The following TAF6 variants were observed in gnomAD, a reference collection of about 807,000 sequenced individuals.
TAF6 encodes the protein TATA-box binding protein associated factor 6, also known as transcription initiation factor TFIID subunit 6.
In TAF6, 50 loss-of-function variants were observed where a neutral mutation model predicts 73.5. That is an observed-to-expected ratio of 0.68 (90% CI 0.54 to 0.86). The LOEUF is 0.86. TAF6 is among the 40% of genes least tolerant of loss of function. The pLI is 0.00. For missense variants in TAF6, 768 were observed against 899.5 expected, an observed-to-expected ratio of 0.85 and a Z score of 1.87; for synonymous variants, 424 against 376.7, an observed-to-expected ratio of 1.13 and a Z score of -1.45.
chr7:100,114,035 G>C lies in TAF6; in HGVS notation c.156+19C>G. 2 of 1,614,010 alleles carry C rather than the reference G, an allele frequency of 1.2e-6. No individual in the cohort carries two copies. Among genetic ancestry groups the C allele is most frequent in the Non-Finnish European group, 1.7e-6 (2 of 1,179,928 alleles). On this transcript the variant is annotated intron_variant, in intron 2 of 14. Transcript: ENST00000453269. The stretch of plus-strand genomic sequence containing the variant: ...GTGACATGGACCCAATGTAGAGCTG[G>C]ACAGAAGGGCCGGGTCACCTGTGCG...
At chr7:100,124,965 C>T in the TAF6 span, 7 of 1,490,304 alleles carry the variant, frequency 4.7e-6, no homozygotes, top group African/African-American at 8.4e-5. Context: ...TGCTCCACAG[C>T]TTTCAGGGTG....
upstream of TAF6, among the ~76,000 whole-genome samples, chr7:100,123,255 T>C (rs951979249): frequency 5.3e-5 from 8 of 151,826 alleles, no homozygotes; most frequent in Non-Finnish European, 1.2e-4. Flanking sequence ...GGCAAGAGAA[T>C]TGCTTGAATC....
chr7:100,117,780 C>T (rs1443586541), intron 1 of TAF6, among the ~76,000 whole-genome samples: 6 of 151,916 alleles, frequency 3.9e-5, no homozygotes, highest in Non-Finnish European at 5.9e-5. Flanking sequence ...TGGTGGCTCA[C>T]GCCTGTAATC....
rs747557918 is a variant in TAF6 at position 100,107,567 on chromosome 7, G to A, written c.1713C>T (p.Val571=). The A allele has an allele frequency of 1.2e-6, 2 of 1,613,986 alleles. No individual in the cohort carries two copies. Among genetic ancestry groups the A allele is most frequent in the East Asian group, 4.5e-5 (2 of 44,884 alleles). ...GCTGCACGCTGGGGACGGTGGTGGTGACGGGCGAAGTGGTGGTGGAACCTG... is the reference window on the plus strand; with the variant it reads ...GCTGCACGCTGGGGACGGTGGTGGTAACGGGCGAAGTGGTGGTGGAACCTG... ...PGSGSTTTSP[V]TTTVPSVQPI... is the part of the protein sequence containing the mutation. Residue 571 remains valine, a synonymous_variant, in exon 15 of 15, where the codon GTC becomes GTT. Coordinates refer to ENST00000453269, the MANE Select transcript of TAF6 (RefSeq NM_139315.3).
At chr7:100,120,180 A>T, upstream of TAF6, 1 of 229,146 alleles carries the variant, frequency 4.4e-6, no homozygotes, top group Non-Finnish European at 8.6e-6. Context: ...TGTTTACCTC[A>T]TGTCACCAGA....
At position 100,107,511 on chromosome 7, in the gene TAF6, G is replaced by C. The variant is rs138114559; in HGVS notation, c.1769C>G (p.Thr590Ser). Residue 590 changes from threonine (T) to serine (S), a missense_variant, in exon 15 of 15, where the codon ACC (threonine) becomes AGC (serine). By Grantham distance (58) the Thr-to-Ser change is moderately conservative (BLOSUM62 1). Coordinates refer to ENST00000453269, the MANE Select transcript of TAF6 (RefSeq NM_139315.3). ...PIVKLVSTATTAPPSTAPSGP... is the reference protein window; with the variant it reads ...PIVKLVSTATSAPPSTAPSGP... ...AGAGGGAGCAGTGCTGGGGGGTGCG[G>C]TGGTGGCGGTGGAGACCAACTTGAC... is the stretch of plus-strand genomic sequence containing the variant. 6.2e-7 allele frequency: 1 copy of C among 1,614,166 alleles called. No homozygotes were observed. Among genetic ancestry groups the C allele is most frequent in the African/African-American group, 1.3e-5 (1 of 75,058 alleles).
chr7:100,123,136 G>A (rs1174589997), upstream of TAF6, among the ~76,000 whole-genome samples: 1 of 152,080 alleles, frequency 6.6e-6, no homozygotes, highest in African/African-American at 2.4e-5. Flanking sequence ...GAGGTCATAA[G>A]TTCGAGACCA....
At position 100,111,842 on chromosome 7, in the gene TAF6, G is replaced by C; in HGVS notation, c.799-13C>G. 6.2e-7 allele frequency: 1 copy of C among 1,614,186 alleles called. No individual in the cohort carries two copies. Among genetic ancestry groups the C allele is most frequent in the Middle Eastern group, 1.6e-4 (1 of 6,062 alleles). The stretch of plus-strand genomic sequence containing the variant: ...CGTTCACACGGACCTGTGGGAGGGA[G>C]AAGTGCTGGGCATGGGGCAGGGAGA... On this transcript the variant is annotated splice_polypyrimidine_tract_variant and intron_variant, in intron 8 of 14. Coordinates refer to ENST00000453269, the MANE Select transcript of TAF6 (RefSeq NM_139315.3).
At chr7:100,124,523 A>G (rs1340455308), upstream of TAF6, 4 of 1,612,040 alleles carry the variant, frequency 2.5e-6, no homozygotes, top group East Asian at 6.7e-5. Flanking sequence ...GTGTGAGACC[A>G]TGTTGGAGGA....
upstream of TAF6, chr7:100,124,718 G>T: frequency 1.2e-6 from 2 of 1,613,726 alleles, no homozygotes; most frequent in Non-Finnish European, 1.7e-6. Context: ...TCTGTCATCC[G>T]ATCTAGCATG....
rs3807479 is a variant in TAF6, at chr7:100,119,278, C to G, written c.-134G>C. ...GTACCACTCAGACCCGCCCCCGCCA[C>G]CCGAGCGCGGGGAGCAGGAAAACTC... On this transcript the variant is annotated 5_prime_UTR_variant, in exon 1 of 15. Transcript: ENST00000453269. 0.57 allele frequency: 579,699 copies of G among 1,021,242 alleles called. 165,740 individuals are homozygous for G. The highest frequency in any genetic ancestry group is 0.86 in the East Asian group (7,843 of 9,124). The allele number at this position is 1,021,242 out of a possible 1,614,324, so 63.3% of individuals were successfully genotyped here. A position where few individuals can be genotyped will look rare whatever the true frequency, so the allele number is the denominator to read the frequency against.
At chr7:100,110,118 G>T in intron 11 of TAF6, 45 bp from the exon 12 acceptor site, 1 of 1,613,888 alleles carries the variant, frequency 6.2e-7, no homozygotes, top group African/African-American at 1.3e-5. Context: ...GGGTCACCAG[G>T]GTCTCCCAGA....
intron 11 of TAF6, 49 bp downstream of exon 11, chr7:100,110,142 CCCTCTATAA>C: frequency 6.2e-7 from 1 of 1,613,912 alleles, no homozygotes; most frequent in Non-Finnish European, 8.5e-7. Flanking sequence ...GGGTACAGTG[CCCTCTATAA>C]CCTCATGACT....
In TAF6 at chr7:100,118,802, T is replaced by C. The variant is rs1035577984; in HGVS notation, c.-60+402A>G. ...GAGGGAGGCCGAAAAACAAATTGGTTCTTTTCAAACCATCCCTGATCTCCT... is the reference window on the plus strand; with the variant it reads ...GAGGGAGGCCGAAAAACAAATTGGTCCTTTTCAAACCATCCCTGATCTCCT... On this transcript the variant is annotated intron_variant, in intron 1 of 14. Transcript: ENST00000453269. The C allele has an allele frequency of 1.5e-5, 15 of 975,428 alleles. No individual in the cohort carries two copies. In the African/African-American group the frequency reaches 2.5e-4, roughly 16 times the overall value. The allele number at this position is 975,428 out of a possible 1,614,324, so 60.4% of individuals were successfully genotyped here.
At chr7:100,126,351 C>CA in the TAF6 span, among the ~76,000 whole-genome samples, 3 of 151,488 alleles carry the variant, frequency 2.0e-5, no homozygotes, top group South Asian at 2.1e-4. Flanking sequence ...CAAAAAAAAC[C>CA]AAAAAAAATT....
At chr7:100,109,800 C>A in intron 12 of TAF6, 148 bp downstream of exon 12, 1 of 1,261,318 alleles carries the variant, frequency 7.9e-7, no homozygotes. Context: ...TAATCTCAGT[C>A]TTTCCATCTG....
chr7:100,115,284 G>T, intron 1 of TAF6: 1 of 152,372 alleles, frequency 6.6e-6, no homozygotes, highest in Non-Finnish European at 1.5e-5. Context: ...GAGCCGAAGT[G>T]TCTGGCCCAG....
At chr7:100,116,712 C>G (rs754594012) in intron 1 of TAF6, 1 of 152,172 alleles carries the variant, frequency 6.6e-6, no homozygotes, top group Non-Finnish European at 1.5e-5. Flanking sequence ...TTCAAAATTA[C>G]CTTCTCCCCA....
chr7:100,118,642 C>T, intron 1 of TAF6: 1 of 160,108 alleles, frequency 6.2e-6, no homozygotes, highest in Non-Finnish European at 1.3e-5. Flanking sequence ...GGGTAACAGA[C>T]GGAAACCCTG....
Sources: allele counts gnomAD v4.1 joint callset (sites outside exome capture counted in the v4.1 genomes callset), GRCh38; gene constraint gnomAD v4.1.1; transcripts MANE v1.5; gene names NCBI Gene and HGNC (gene_info 2026-07-23, HGNC 2026-07-21).